Variants in ODF2L observed in about 807,000 individuals in gnomAD.
The protein encoded by ODF2L is protein BCAP.
ODF2L carries 76 observed loss-of-function variants against 86.3 expected under a neutral mutation model. The ratio of observed to expected loss-of-function variants is 0.88; its 90% confidence interval spans 0.73 to 1.07. The LOEUF (loss-of-function observed/expected upper bound fraction) is 1.07. ODF2L is among the 50% of genes least tolerant of loss of function. ODF2L has a pLI of 0.00. For missense variants in ODF2L, 748 were observed against 717.4 expected (o/e 1.04, Z -0.49); for synonymous variants, 241 against 231.3 (o/e 1.04, Z -0.38).
chr1:86,361,027 T>G (rs1658998251), intron 11 of ODF2L: 1 of 152,190 alleles, frequency 6.6e-6, no homozygotes, highest in Admixed American at 6.5e-5. Context: ...CTTTAAAAAT[T>G]TTCAGACAAT....
intron 14 of ODF2L, chr1:86,355,428 T>G (rs761969882): frequency 8.5e-7 from 1 of 1,182,670 alleles, no homozygotes; most frequent in Non-Finnish European, 1.2e-6. Context: ...GAAAAAATTT[T>G]TTTCTCATAA....
At chr1:86,353,721 C>T (rs1170648795) in intron 16 of ODF2L, among the ~76,000 whole-genome samples, 2 of 152,124 alleles carry the variant, frequency 1.3e-5, no homozygotes, top group Non-Finnish European at 2.9e-5. Context: ...TTCTTCTGTA[C>T]ATATTCCAAG....
downstream of ODF2L, chr1:86,348,908 A>T: frequency 6.5e-7 from 1 of 1,537,282 alleles, no homozygotes; most frequent in Non-Finnish European, 8.7e-7. Context: ...AATACAGATA[A>T]GCAATAATAG....
intron 11 of ODF2L, among the ~76,000 whole-genome samples, chr1:86,363,292 G>T (rs1659173882): frequency 6.6e-6 from 1 of 152,172 alleles, no homozygotes; most frequent in Admixed American, 6.5e-5. Flanking sequence ...TTGACATGGA[G>T]ATGTCAATCA....
intron 8 of ODF2L, among the ~76,000 whole-genome samples, chr1:86,374,030 T>A (rs370857482): frequency 2.0e-5 from 3 of 152,282 alleles, no homozygotes; most frequent in African/African-American, 7.2e-5. Context: ...ACATTCTACA[T>A]AAAAACACAC....
chr1:86,359,986 T>C (rs900043584), intron 12 of ODF2L, among the ~76,000 whole-genome samples: 2 of 152,238 alleles, frequency 1.3e-5, no homozygotes, highest in Admixed American at 1.3e-4. Flanking sequence ...ATATATATTG[T>C]CATATGTTCT....
chr1:86,375,707 A>G (rs763672510), intron 8 of ODF2L, among the ~76,000 whole-genome samples: 1 of 152,214 alleles, frequency 6.6e-6, no homozygotes, highest in Non-Finnish European at 1.5e-5. Context: ...TAGGTTAATT[A>G]CTGAATAAAG....
chr1:86,368,307 T>G (rs1236451408), intron 11 of ODF2L, among the ~76,000 whole-genome samples: 1 of 152,192 alleles, frequency 6.6e-6, no homozygotes, highest in Non-Finnish European at 1.5e-5. Flanking sequence ...TTGTATTATT[T>G]ACTAGGAATT....
intron 12 of ODF2L, 102 bp downstream of exon 11, chr1:86,360,324 T>C (rs369866628): frequency 1.0e-5 from 6 of 576,424 alleles, no homozygotes; most frequent in African/African-American, 7.7e-5. Context: ...CCCACAATGA[T>C]AGCCCCACCT....
chr1:86,348,874 G>T, downstream of ODF2L: 2 of 1,545,684 alleles, frequency 1.3e-6, no homozygotes, highest in Admixed American at 2.3e-5. Flanking sequence ...CTGATGTTGT[G>T]CTTTCTAAAG....
In ODF2L at chr1:86,356,430, G is replaced by T; in HGVS notation, c.1518+14C>A. ...TTAACGCATCTAGCAAAACTCAGAA[G>T]GACGGCTGGACACCTGGCCCTGAAG... On this transcript the variant is annotated intron_variant, in intron 14 of 17. Transcript: ENST00000317336. 6.3e-7 allele frequency: 1 copy of T among 1,588,464 alleles called. No individual in the cohort carries two copies.
intron 8 of ODF2L, 73 bp from the exon 9 acceptor site, chr1:86,372,613 A>G (rs1202545266): frequency 1.4e-5 from 10 of 725,788 alleles, no homozygotes; most frequent in Non-Finnish European, 1.9e-5. Flanking sequence ...CTAAACACAA[A>G]TACATTATAA....
At chr1:86,385,802 G>T in intron 2 of ODF2L, 1 of 388,786 alleles carries the variant, frequency 2.6e-6, no homozygotes, top group East Asian at 4.1e-5. Context: ...AAAGTTATTT[G>T]GATTAAAGAT....
chr1:86,389,639 CATT>C (rs3028410), intron 1 of ODF2L, among the ~76,000 whole-genome samples: 49,115 of 149,524 alleles, frequency 0.33, 8,179 homozygotes, highest in East Asian at 0.52. Context: ...ACTGACAGAA[CATT>C]ATTAGCAAGA....
intron 11 of ODF2L, among the ~76,000 whole-genome samples, chr1:86,364,067 T>C (rs1370479251): frequency 6.6e-6 from 1 of 152,088 alleles, no homozygotes; most frequent in Non-Finnish European, 1.5e-5. Flanking sequence ...ATTTCTTAAC[T>C]ATTAATAGAA....
intron 8 of ODF2L, 37 bp from the exon 9 acceptor site, chr1:86,372,577 A>G: frequency 8.6e-7 from 1 of 1,156,952 alleles, no homozygotes; most frequent in Non-Finnish European, 1.2e-6. Context: ...CTATAATTTT[A>G]AAACATTTTT....
intron 8 of ODF2L, among the ~76,000 whole-genome samples, chr1:86,375,941 C>T (rs951986831): frequency 7.2e-5 from 11 of 152,070 alleles, no homozygotes; most frequent in Non-Finnish European, 1.5e-4. Flanking sequence ...TGAAGTATTA[C>T]CCTTAGTTAG....
intron 1 of ODF2L, among the ~76,000 whole-genome samples, chr1:86,391,922 G>C (rs563936118): frequency 2.0e-4 from 30 of 152,248 alleles, no homozygotes; most frequent in African/African-American, 7.2e-4. Flanking sequence ...AACCCACAGA[G>C]TGGGAGAAAA....
intron 14 of ODF2L, chr1:86,355,081 A>C: frequency 1.8e-6 from 1 of 542,566 alleles, no homozygotes; most frequent in Non-Finnish European, 3.3e-6. Context: ...AAAATAACCA[A>C]CTAAAAAAAA....
Sources: gnomAD v4.1 joint callset for allele counts (sites outside exome capture counted in the v4.1 genomes callset) on GRCh38, gnomAD v4.1.1 for gene constraint, MANE v1.5 for transcripts, NCBI Gene and HGNC (gene_info 2026-07-23, HGNC 2026-07-21) for gene names.